GCNT4: variants seen among roughly 807,000 people sequenced by gnomAD.
The protein encoded by GCNT4 is glucosaminyl (N-acetyl) transferase 4.
In GCNT4, 17 loss-of-function variants were observed where a neutral mutation model predicts 31.3. The ratio of observed to expected loss-of-function variants is 0.54; its 90% CI spans 0.37 to 0.81. The LOEUF is 0.81. GCNT4 is among the 40% of genes least tolerant of loss of function. The pLI is 0.00. For missense variants in GCNT4, 503 were observed against 525.5 expected, an observed-to-expected ratio of 0.96 and a Z score of 0.42; for synonymous variants, 158 against 190.6, an observed-to-expected ratio of 0.83 and a Z score of 1.41.
downstream of GCNT4, among the ~76,000 whole-genome samples, chr5:75,024,906 G>A (rs149976058): frequency 0.011 from 1,488 of 132,918 alleles, 15 homozygotes; most frequent in South Asian, 0.028. Flanking sequence ...AGCCGAGATC[G>A]CACCACTGCA....
At chr5:75,043,735 T>C (rs1278782704) in intron 3 of GCNT4, among the ~76,000 whole-genome samples, 5 of 152,182 alleles carry the variant, frequency 3.3e-5, no homozygotes, top group Non-Finnish European at 7.4e-5. Flanking sequence ...AGCCCTTATA[T>C]GTTTAAGCAA....
At position 75,029,353 on chromosome 5, in the gene GCNT4, G is replaced by T. The variant is rs1361906762; in HGVS notation, c.685C>A (p.Gln229Lys). 6.2e-7 allele frequency: 1 copy of T among 1,614,072 alleles called. No individual in the cohort carries two copies. Among genetic ancestry groups the T allele is most frequent in the South Asian group, 1.1e-5 (1 of 91,076 alleles). ...AAATTTGACTTCAGGGGAAAATCTT[G>T]CCCACACAAGTTGATAACATATTTC... ...QWKYVINLCG[Q>K]DFPLKSNFEL... Residue 229 changes from glutamine (Q) to lysine (K), a missense_variant, in exon 4 of 4, where the codon CAA becomes AAA. By Grantham distance (53) the Gln-to-Lys change is moderately conservative. Coordinates refer to ENST00000652361, the MANE Select transcript of GCNT4 (RefSeq NM_001366737.1).
intron 3 of GCNT4, among the ~76,000 whole-genome samples, chr5:75,038,959 G>C (rs904175786): frequency 6.6e-6 from 1 of 152,158 alleles, no homozygotes; most frequent in Non-Finnish European, 1.5e-5. Flanking sequence ...CATGGAGCCT[G>C]CTCTGGCTAA....
intron 3 of GCNT4, among the ~76,000 whole-genome samples, chr5:75,041,373 G>A (rs981590863): frequency 2.6e-5 from 4 of 152,206 alleles, no homozygotes; most frequent in African/African-American, 7.2e-5. Context: ...CCTGTGGAAT[G>A]TATGACAATT....
At chr5:75,019,831 C>T in the GCNT4 span, among the ~76,000 whole-genome samples, 1 of 152,162 alleles carries the variant, frequency 6.6e-6, no homozygotes, top group Non-Finnish European at 1.5e-5. Flanking sequence ...TTTTAAGTGA[C>T]AGTGCTAAAT....
Position 75,025,349 on chromosome 5 carries a change from G to C in GCNT4, c.*3327C>G, listed in dbSNP as rs962030072. 2.0e-5 allele frequency: 3 copies of C among 152,198 alleles called. No individual in the cohort carries two copies. Among genetic ancestry groups the C allele is most frequent in the Non-Finnish European group, 4.4e-5 (3 of 68,038 alleles). The allele number at this position is 152,198 out of a possible 1,614,324, so 9.4% of individuals were successfully genotyped here. A position where few individuals can be genotyped will look rare whatever the true frequency, so the allele number is the denominator to read the frequency against. ...GAAAGCTCATAAAGTCCAAGGGTTT[G>C]GGTTTTTGGAGCACATTTTATTTTA... On this transcript the variant is annotated 3_prime_UTR_variant, in exon 4 of 4. Transcript: ENST00000652361.
chr5:75,046,696 C>A (rs1213339964), intron 3 of GCNT4, among the ~76,000 whole-genome samples: 14 of 152,160 alleles, frequency 9.2e-5, no homozygotes, highest in Admixed American at 9.2e-4. Flanking sequence ...AGAAAACCAA[C>A]AAGAGAAGAC....
intron 3 of GCNT4, among the ~76,000 whole-genome samples, chr5:75,032,877 GTGTGTGTGTGTGT>G (rs1743099895): frequency 5.5e-4 from 42 of 76,610 alleles, no homozygotes; most frequent in African/African-American, 2.7e-3. Flanking sequence ...ATAGGGGTGT[GTGTGTGTGTGTGT>G]GTGTGTGTGT....
intron 3 of GCNT4, among the ~76,000 whole-genome samples, chr5:75,040,273 G>C (rs1000580471): frequency 6.6e-6 from 1 of 151,340 alleles, no homozygotes; most frequent in Non-Finnish European, 1.5e-5. Context: ...CCGCCTCCCA[G>C]ATTAACCCTT....
At chr5:75,048,322 G>A (rs1219622293) in intron 2 of GCNT4, among the ~76,000 whole-genome samples, 1 of 152,108 alleles carries the variant, frequency 6.6e-6, no homozygotes, top group East Asian at 1.9e-4. Flanking sequence ...AGATTACCTG[G>A]ATCTAGTAAG....
At chr5:75,046,587 C>T (rs1743444504) in intron 3 of GCNT4, among the ~76,000 whole-genome samples, 3 of 152,304 alleles carry the variant, frequency 2.0e-5, no homozygotes, top group Admixed American at 6.5e-5. Context: ...CAAGAGCAGA[C>T]AGGCTGACTG....
At chr5:75,035,977 G>A (rs1271487364) in intron 3 of GCNT4, among the ~76,000 whole-genome samples, 1 of 152,074 alleles carries the variant, frequency 6.6e-6, no homozygotes, top group Non-Finnish European at 1.5e-5. Flanking sequence ...TTAATTTTAT[G>A]TATATTCATC....
In GCNT4 at chr5:75,029,780, C is replaced by T; in HGVS notation, c.258G>A (p.Lys86=). 6.2e-7 allele frequency: 1 copy of T among 1,614,174 alleles called. No homozygotes were observed. Among genetic ancestry groups the T allele is most frequent in the Non-Finnish European group, 8.5e-7 (1 of 1,180,018 alleles). Residue 86 remains lysine, a synonymous_variant, in exon 4 of 4, where the codon AAG becomes AAA. Coordinates refer to ENST00000652361, the MANE Select transcript of GCNT4 (RefSeq NM_001366737.1). ...TGTCCCTTCTTCTTATTTCCAGACT[C>T]TTTCCAATTTCCAAAGGCTCCTGTT... ...IYEQEPLEIG[K]SLEIRRRDII... is the part of the protein sequence containing the mutation.
chr5:75,036,110 G>A lies in GCNT4; in HGVS notation c.-1-6072C>T, dbSNP rs79235547. ...GAAAAGTTGGCCCTCCATACATGTA[G>A]GATTTGCATTCTGCAAATACTACAT... On this transcript the variant is annotated intron_variant, in intron 3 of 3. Transcript: ENST00000652361. Among the ~76,000 whole-genome samples, 987 of 151,980 alleles carry A rather than the reference G, an allele frequency of 6.5e-3. 6 individuals carry two copies. The highest frequency in any genetic ancestry group is 0.017 in the Middle Eastern group (5 of 292).
At chr5:75,042,206 T>C (rs1743336227) in intron 3 of GCNT4, among the ~76,000 whole-genome samples, 1 of 152,220 alleles carries the variant, frequency 6.6e-6, no homozygotes, top group Non-Finnish European at 1.5e-5. Flanking sequence ...AAAGCCAAAC[T>C]ACATTTTATG....
intron 3 of GCNT4, among the ~76,000 whole-genome samples, chr5:75,034,787 C>T (rs936230883): frequency 6.6e-6 from 1 of 152,234 alleles, no homozygotes; most frequent in African/African-American, 2.4e-5. Context: ...CTACTCCTCA[C>T]TAAAGTCCCA....
At chr5:75,045,991 T>A (rs1324919159) in intron 3 of GCNT4, among the ~76,000 whole-genome samples, 1 of 152,192 alleles carries the variant, frequency 6.6e-6, no homozygotes, top group African/African-American at 2.4e-5. Context: ...TTCAATTCAA[T>A]GAATGATGTT....
chr5:75,048,510 T>C (rs953829797), intron 2 of GCNT4, among the ~76,000 whole-genome samples: 2 of 152,134 alleles, frequency 1.3e-5, no homozygotes, highest in South Asian at 4.1e-4. Context: ...CGAGTCACAG[T>C]TTAGTTCGAG....
chr5:75,029,766 C>T lies in GCNT4; in HGVS notation c.272G>A (p.Arg91Lys). ...PLEIGKSLEI[R>K]RRDIIDLEDD... ...CTCCAAGTCAATGATGTCCCTTCTTCTTATTTCCAGACTCTTTCCAATTTC... is the reference window on the plus strand; with the variant it reads ...CTCCAAGTCAATGATGTCCCTTCTTTTTATTTCCAGACTCTTTCCAATTTC... Residue 91 changes from arginine to lysine, a missense_variant, in exon 4 of 4, where the codon AGA becomes AAA. Transcript: ENST00000652361. 9.9e-6 allele frequency: 16 copies of T among 1,614,164 alleles called. No individual in the cohort carries two copies. Among genetic ancestry groups the T allele is most frequent in the Non-Finnish European group, 1.4e-5 (16 of 1,180,016 alleles).
Sources: gnomAD v4.1 joint callset for allele counts (sites outside exome capture counted in the v4.1 genomes callset) on GRCh38, gnomAD v4.1.1 for gene constraint, MANE v1.5 for transcripts, NCBI Gene and HGNC (gene_info 2026-07-23, HGNC 2026-07-21) for gene names.